The following SLC4A5 variants were observed in gnomAD, a reference collection of about 807,000 sequenced individuals.
SLC4A5 encodes electrogenic sodium bicarbonate cotransporter 4.
A neutral mutation model predicts 120.4 loss-of-function variants in SLC4A5; 96 were observed. The observed-to-expected ratio is 0.80, with a 90% CI of 0.68 to 0.94. The LOEUF (loss-of-function observed/expected upper bound fraction) is 0.94, where lower values mean the gene tolerates loss of function less well. Among genes scored for constraint, SLC4A5 ranks in the 40% least tolerant of loss-of-function variants. The pLI is 0.00. For missense variants in SLC4A5, 1,259 were observed against 1,459.5 expected (o/e 0.86, Z 2.24); for synonymous variants, 550 against 571.1 (o/e 0.96, Z 0.53).
rs564107851 is a variant in SLC4A5 at position 74,228,559 on chromosome 2, G to T, written c.2848-681C>A. Among the ~76,000 whole-genome samples, 3 of 152,266 alleles carry T rather than the reference G, an allele frequency of 2.0e-5. No individual in the cohort carries two copies. In the South Asian group the frequency reaches 6.2e-4, roughly 32 times the overall value. On this transcript the variant is annotated intron_variant, in intron 25 of 30. Coordinates refer to ENST00000394019, the Ensembl canonical transcript of SLC4A5. ...GCAGAAGAATCGCTTGAATCCGGGA[G>T]ATGGAGGTTGCGGTGAGCTGAGATC...
chr2:74,277,266 C>G (rs1339281945), intron 8 of SLC4A5, among the ~76,000 whole-genome samples: 2 of 152,072 alleles, frequency 1.3e-5, no homozygotes, highest in African/African-American at 4.8e-5. Context: ...AGTACTGCTG[C>G]CGGCCAGGAG....
At chr2:74,295,991 C>A (rs941595932) in intron 7 of SLC4A5, among the ~76,000 whole-genome samples, 1 of 152,156 alleles carries the variant, frequency 6.6e-6, no homozygotes, top group African/African-American at 2.4e-5. Context: ...TTTTAGTTAA[C>A]CACATCGAAT....
intron 8 of SLC4A5, among the ~76,000 whole-genome samples, chr2:74,281,772 G>A (rs1671822150): frequency 6.6e-6 from 1 of 152,156 alleles, no homozygotes; most frequent in African/African-American, 2.4e-5. Context: ...GCGGATTTGA[G>A]ATTTTCACTC....
intron 8 of SLC4A5, among the ~76,000 whole-genome samples, chr2:74,278,418 G>A (rs1333643440): frequency 6.6e-6 from 1 of 152,156 alleles, no homozygotes; most frequent in Non-Finnish European, 1.5e-5. Flanking sequence ...GTGGACTTGT[G>A]CTTCCCCTGT....
At chr2:74,264,716 T>C (rs566264350) in intron 9 of SLC4A5, among the ~76,000 whole-genome samples, 213 of 152,228 alleles carry the variant, frequency 1.4e-3, no homozygotes, top group African/African-American at 5.0e-3. Context: ...TTAGGGGTGT[T>C]AAGGCAAGCC....
At chr2:74,252,998 T>C (rs2103995392) in exon 15 of SLC4A5, 2 of 1,614,176 alleles carry the variant, frequency 1.2e-6, no homozygotes, top group Non-Finnish European at 8.5e-7. Context: ...GGGCACCTTC[T>C]TGGGGGGCTC....
chr2:74,231,953 G>A (rs1670104178), intron 24 of SLC4A5, among the ~76,000 whole-genome samples: 1 of 152,188 alleles, frequency 6.6e-6, no homozygotes, highest in Non-Finnish European at 1.5e-5. Flanking sequence ...AGGCCCTAAG[G>A]GGCTGAAGAT....
intron 5 of SLC4A5, among the ~76,000 whole-genome samples, chr2:74,315,563 A>G (rs1271140974): frequency 6.6e-6 from 1 of 151,252 alleles, no homozygotes; most frequent in Non-Finnish European, 1.5e-5. Context: ...CACATATACT[A>G]CGTCACAGAA....
intron 7 of SLC4A5, among the ~76,000 whole-genome samples, chr2:74,304,141 G>A (rs1672561934): frequency 6.6e-6 from 1 of 152,154 alleles, no homozygotes. Context: ...GAGCCACCGC[G>A]CCCGGCCGCA....
At chr2:74,259,461 G>C in intron 12 of SLC4A5, 127 bp downstream of exon 12, 3 of 1,095,112 alleles carry the variant, frequency 2.7e-6, no homozygotes. Flanking sequence ...CCCCACTGGG[G>C]ATCTTCCTGG....
chr2:74,227,737 G>T, intron 26 of SLC4A5, 73 bp downstream of exon 26: 1 of 1,373,192 alleles, frequency 7.3e-7, no homozygotes, highest in African/African-American at 1.5e-5. Context: ...CTGAATTGGG[G>T]GTCTTGGTGA....
intron 11 of SLC4A5, among the ~76,000 whole-genome samples, chr2:74,260,622 A>G (rs1401790050): frequency 6.6e-6 from 1 of 152,066 alleles, no homozygotes; most frequent in Non-Finnish European, 1.5e-5. Flanking sequence ...CTTTAGACAG[A>G]AATCTAGGAG....
intron 8 of SLC4A5, among the ~76,000 whole-genome samples, chr2:74,279,370 G>A (rs1297077039): frequency 1.3e-5 from 2 of 152,112 alleles, no homozygotes; most frequent in Non-Finnish European, 2.9e-5. Context: ...CCTTCATCTT[G>A]AATGTCTCTC....
At chr2:74,250,901 C>A (rs191612754) in intron 16 of SLC4A5, 2 of 184,160 alleles carry the variant, frequency 1.1e-5, no homozygotes, top group East Asian at 1.5e-4. Flanking sequence ...CTTTCGGTGA[C>A]AGAAGCATCC....
chr2:74,227,179 G>C (rs377538184), intron 26 of SLC4A5, 49 bp from the exon 27 acceptor site: 9 of 1,540,818 alleles, frequency 5.8e-6, no homozygotes, highest in Non-Finnish European at 7.9e-6. Flanking sequence ...CCGAGGGCCC[G>C]CTGGGTCCTG....
At chr2:74,247,421 C>A (rs781414097) in intron 18 of SLC4A5, 114 bp from the exon 19 acceptor site, 34 of 1,139,384 alleles carry the variant, frequency 3.0e-5, no homozygotes, top group Non-Finnish European at 4.1e-5. Context: ...TGATGCCCTC[C>A]CAGGGACTGT....
chr2:74,222,380 C>T (rs1031848510), intron 29 of SLC4A5, among the ~76,000 whole-genome samples: 3 of 152,170 alleles, frequency 2.0e-5, no homozygotes, highest in Admixed American at 1.3e-4. Context: ...GGGTTTCCAT[C>T]TGGTTGGAGT....
chr2:74,311,516 C>A (rs1173072812), intron 6 of SLC4A5, among the ~76,000 whole-genome samples: 1 of 152,074 alleles, frequency 6.6e-6, no homozygotes, highest in Non-Finnish European at 1.5e-5. Flanking sequence ...TCATTTAGTC[C>A]AAAATATTTT....
intron 5 of SLC4A5, among the ~76,000 whole-genome samples, chr2:74,327,567 AG>A (rs1673245936): frequency 6.6e-6 from 1 of 152,248 alleles, no homozygotes; most frequent in South Asian, 2.1e-4. Context: ...GAAAACTAGC[AG>A]TAGCAAAACC....
Sources: allele counts gnomAD v4.1 joint callset (sites outside exome capture counted in the v4.1 genomes callset), GRCh38; gene constraint gnomAD v4.1.1; transcripts MANE v1.5; gene names NCBI Gene and HGNC (gene_info 2026-07-23, HGNC 2026-07-21).